Variants in ZNF568 observed in about 807,000 individuals in gnomAD.
ZNF568 encodes zinc finger protein 568, also known as p53 inhibitor of SCO2 activation.
ZNF568 carries 11 observed loss-of-function variants against 18.1 expected under a neutral mutation model. The ratio of observed to expected loss-of-function variants is 0.61; its 90% CI spans 0.38 to 1.00. The LOEUF (loss-of-function observed/expected upper bound fraction) is 1.00, where lower values mean the gene tolerates loss of function less well. Ranked by LOEUF, ZNF568 falls within the 50% of genes least tolerant of loss-of-function variation. The pLI is 0.01. For missense variants in ZNF568, 639 were observed against 768.2 expected, an observed-to-expected ratio of 0.83 and a Z score of 1.99; for synonymous variants, 213 against 246.6, an observed-to-expected ratio of 0.86 and a Z score of 1.28.
chr19:36,988,738 G>A (rs1487813794), intron 2 of ZNF568, among the ~76,000 whole-genome samples: 1 of 152,078 alleles, frequency 6.6e-6, no homozygotes, highest in East Asian at 1.9e-4. Flanking sequence ...GCACTTTGGG[G>A]TCATATTTAT....
intron 6 of ZNF568, 26 bp downstream of exon 6, chr19:36,937,268 A>G: frequency 6.3e-7 from 1 of 1,591,078 alleles, no homozygotes; most frequent in Non-Finnish European, 8.6e-7. Context: ...GCAGCTCTGA[A>G]TGAGAAAGCC....
intron 6 of ZNF568, among the ~76,000 whole-genome samples, chr19:36,969,605 T>C (rs1180147923): frequency 6.6e-6 from 1 of 151,894 alleles, no homozygotes; most frequent in Non-Finnish European, 1.5e-5. Context: ...CCTTGTCTTT[T>C]CCAGCTTCTA....
chr19:36,953,574 A>G (rs2074084744), downstream of ZNF568, among the ~76,000 whole-genome samples: 1 of 152,182 alleles, frequency 6.6e-6, no homozygotes, highest in Admixed American at 6.5e-5. Flanking sequence ...CATCTCTACA[A>G]TATTAGTTGA....
chr19:36,953,551 G>A (rs1330316393), downstream of ZNF568, among the ~76,000 whole-genome samples: 1 of 152,104 alleles, frequency 6.6e-6, no homozygotes, highest in Non-Finnish European at 1.5e-5. Flanking sequence ...CAGAGGTGAT[G>A]TTTTTATTAT....
intron 4 of ZNF568, among the ~76,000 whole-genome samples, chr19:36,995,954 C>T (rs1056946774): frequency 5.3e-5 from 8 of 152,090 alleles, no homozygotes; most frequent in African/African-American, 1.4e-4. Flanking sequence ...AACTTGTGAA[C>T]GTGTTACTCT....
At chr19:36,918,942 A>G (rs142373865) in intron 2 of ZNF568, among the ~76,000 whole-genome samples, 16 of 152,336 alleles carry the variant, frequency 1.1e-4, no homozygotes, top group African/African-American at 3.8e-4. Context: ...AGATTCATCC[A>G]TGTTAGCATG....
chr19:36,934,353 G>C (rs968566968), intron 4 of ZNF568, among the ~76,000 whole-genome samples: 1 of 148,162 alleles, frequency 6.7e-6, no homozygotes, highest in Non-Finnish European at 1.5e-5. Context: ...CTGTCACCCA[G>C]GCTGAAGTGC....
chr19:36,958,382 C>CCTATTAAATAAATGGA (rs2074122771), intron 6 of ZNF568, among the ~76,000 whole-genome samples: 1 of 151,906 alleles, frequency 6.6e-6, no homozygotes, highest in Non-Finnish European at 1.5e-5. Context: ...TCAGTAAACC[C>CCTATTAAATAAATGGA]ATCTGGGCCT....
intron 4 of ZNF568, among the ~76,000 whole-genome samples, chr19:36,929,565 G>A (rs1436532212): frequency 2.0e-5 from 3 of 151,622 alleles, no homozygotes; most frequent in African/African-American, 7.3e-5. Flanking sequence ...CACACCTGTA[G>A]TCCCAGCTAC....
rs182118033 is a variant in ZNF568, at chr19:36,979,217, A to G, written c.*103A>G. ...AGGCTGGTCTCAAACTCCCGACCTC[A>G]GGTGATCCGCCTGCCTTGGCCTCCC... On this transcript the variant is annotated 3_prime_UTR_variant, in exon 8 of 8. Transcript: ENST00000427117. The G allele has an allele frequency of 5.1e-3, 949 of 185,508 alleles. 11 individuals carry two copies. Among genetic ancestry groups the G allele is most frequent in the African/African-American group, 0.022 (907 of 41,746 alleles). 11.5% of individuals were successfully genotyped at this position (185,508 alleles called of 1,614,324 possible).
downstream of ZNF568, among the ~76,000 whole-genome samples, chr19:36,953,097 A>T (rs1175472914): frequency 6.6e-6 from 1 of 152,248 alleles, no homozygotes; most frequent in African/African-American, 2.4e-5. Context: ...AGCTCCGGGC[A>T]TCATGTCTAC....
At chr19:36,936,400 G>A (rs1476370788) in intron 4 of ZNF568, among the ~76,000 whole-genome samples, 1 of 149,084 alleles carries the variant, frequency 6.7e-6, no homozygotes, top group Non-Finnish European at 1.5e-5. Flanking sequence ...GTTGATTCAA[G>A]TTCTAGTAAA....
At chr19:36,923,738 A>G (rs910789139) in intron 3 of ZNF568, among the ~76,000 whole-genome samples, 3 of 151,848 alleles carry the variant, frequency 2.0e-5, no homozygotes, top group African/African-American at 7.3e-5. Context: ...TTTTTATGAC[A>G]TCTTACATTC....
intron 5 of ZNF568, 42 bp downstream of exon 5, chr19:36,936,914 T>C (rs761726504): frequency 6.2e-7 from 1 of 1,601,772 alleles, no homozygotes; most frequent in Non-Finnish European, 8.5e-7. Flanking sequence ...AGAGAATTCT[T>C]TTCCATTTCT....
downstream of ZNF568, among the ~76,000 whole-genome samples, chr19:36,980,969 G>C (rs1276696242): frequency 6.6e-6 from 1 of 152,112 alleles, no homozygotes; most frequent in Non-Finnish European, 1.5e-5. Flanking sequence ...GGTCTTAGGG[G>C]CTCACCATAA....
downstream of ZNF568, among the ~76,000 whole-genome samples, chr19:36,955,298 TC>T (rs2074099543): frequency 6.6e-6 from 1 of 151,500 alleles, no homozygotes; most frequent in Non-Finnish European, 1.5e-5. Flanking sequence ...ATGCCTTAAA[TC>T]CTCTGCCCCT....
At chr19:36,924,220 T>C (rs1418362624) in intron 3 of ZNF568, among the ~76,000 whole-genome samples, 1 of 151,992 alleles carries the variant, frequency 6.6e-6, no homozygotes, top group African/African-American at 2.4e-5. Context: ...TTTTTCTAAA[T>C]TATTTTTTTT....
downstream of ZNF568, among the ~76,000 whole-genome samples, chr19:36,981,637 G>C (rs2074332194): frequency 6.6e-6 from 1 of 152,132 alleles, no homozygotes; most frequent in Non-Finnish European, 1.5e-5. Context: ...CACGTAAGGA[G>C]ACCGAGGCAG....
At chr19:36,981,537 T>G (rs1359456230), downstream of ZNF568, among the ~76,000 whole-genome samples, 1 of 152,200 alleles carries the variant, frequency 6.6e-6, no homozygotes, top group African/African-American at 2.4e-5. Flanking sequence ...TTAATTTTAT[T>G]TCCAGGTATT....
Sources: gnomAD v4.1 joint callset for allele counts (sites outside exome capture counted in the v4.1 genomes callset) on GRCh38, gnomAD v4.1.1 for gene constraint, MANE v1.5 for transcripts, NCBI Gene and HGNC (gene_info 2026-07-23, HGNC 2026-07-21) for gene names.